DERA: variants seen among roughly 807,000 people sequenced by gnomAD.
DERA encodes 2-deoxy-D-ribose 5-phosphate aldolase.
DERA carries 15 observed loss-of-function variants against 41.1 expected under a neutral mutation model. The ratio of observed to expected loss-of-function variants is 0.37; its 90% CI spans 0.24 to 0.56. The LOEUF is 0.56. Ranked by LOEUF, DERA falls within the 20% of genes least tolerant of loss-of-function variation. The pLI, the probability that DERA is intolerant of heterozygous loss-of-function variation, is 0.81. For missense variants in DERA, 396 were observed against 403.4 expected, an observed-to-expected ratio of 0.98 and a Z score of 0.16; for synonymous variants, 139 against 137.4, an observed-to-expected ratio of 1.01 and a Z score of -0.08.
chr12:15,946,219 G>A (rs1475312071), intron 1 of DERA, among the ~76,000 whole-genome samples: 1 of 152,170 alleles, frequency 6.6e-6, no homozygotes, highest in Non-Finnish European at 1.5e-5. Context: ...CTAGGCTTTG[G>A]TATCAGGATG....
intron 6 of DERA, among the ~76,000 whole-genome samples, chr12:16,007,185 T>G (rs564423377): frequency 5.0e-4 from 75 of 148,592 alleles, no homozygotes; most frequent in African/African-American, 1.9e-3. Flanking sequence ...GTTTTTTTTT[T>G]TTTGTTTTTT....
At position 15,998,422 on chromosome 12, in the gene DERA, G is replaced by A. The variant is rs11838286; in HGVS notation, c.637+15986G>A. Reference sequence around the variant, plus strand: ...AACCTCCGCCTTCCGGGTTCAAGCAGTTCTCCCGCCTCAGCCTCCCGAGTA... The same window carrying A: ...AACCTCCGCCTTCCGGGTTCAAGCAATTCTCCCGCCTCAGCCTCCCGAGTA... On this transcript the variant is annotated intron_variant, in intron 6 of 8. Transcript: ENST00000428559. This position sits in a 1 kb window ranked among gnomAD's most constrained non-coding sequence, Gnocchi z 4.8. 0.065 allele frequency among the ~76,000 whole-genome samples: 9,885 copies of A among 152,012 alleles called. 1,031 individuals carry two copies. The highest frequency in any genetic ancestry group is 0.22 in the African/African-American group (9,101 of 41,366).
Position 15,935,735 on chromosome 12 carries a change from G to T in DERA, c.32-21201G>T, listed in dbSNP as rs893414113. On this transcript the variant is annotated intron_variant, in intron 1 of 8. Transcript: ENST00000428559. The surrounding 1 kb of genome is among the most constrained non-coding windows in gnomAD (Gnocchi z 4.8). ...TCATATTGGTTTCTATATGTTGTTT[G>T]TTGTTGTGTAATATATTACTCCAAA... is the stretch of plus-strand genomic sequence containing the variant. Among the ~76,000 whole-genome samples the T allele has an allele frequency of 2.0e-5, 3 of 152,110 alleles. No individual in the cohort carries two copies. Among genetic ancestry groups the T allele is most frequent in the Admixed American group, 6.6e-5 (1 of 15,266 alleles).
chr12:16,036,289 T>C lies in DERA; in HGVS notation c.808T>C (p.Ser270Pro). 6.2e-7 allele frequency: 1 copy of C among 1,613,768 alleles called. No individual in the cohort carries two copies. Among genetic ancestry groups the C allele is most frequent in the Non-Finnish European group, 8.5e-7 (1 of 1,179,778 alleles). Residue 270 changes from serine to proline, a missense_variant, in exon 8 of 9, where the codon TCT (serine) becomes CCT (proline). Ser to Pro is a moderately conservative substitution (Grantham distance 74, BLOSUM62 -1). Transcript: ENST00000428559. The surrounding 1 kb of genome is among the most constrained non-coding windows in gnomAD (Gnocchi z 4.9). ...TGCAAAGGATTCCCTTGCTTGGCTC[T>C]CTCTTGTAAAGGAGGAGCTTGGAGA... Reference protein sequence around the residue: ...RSAKDSLAWLSLVKEELGDEW... With the variant: ...RSAKDSLAWLPLVKEELGDEW...
rs1454779653 is a variant in DERA at position 15,976,157 on chromosome 12, TC to T, written c.509-6147del. Among the ~76,000 whole-genome samples the T allele has an allele frequency of 6.6e-6, 1 of 152,226 alleles. No individual in the cohort carries two copies. The highest frequency in any genetic ancestry group is 1.5e-5 in the Non-Finnish European group (1 of 68,048). ...AGCATTGCATGGTTTATTCTTACTT[TC>T]CCCTTCCATATTTATACCCCTTCTT... On this transcript the variant is annotated intron_variant, in intron 5 of 8. Transcript: ENST00000428559. The surrounding 1 kb of genome is among the most constrained non-coding windows in gnomAD (Gnocchi z 4.1).
At position 15,943,192 on chromosome 12, in the gene DERA, G is replaced by A. The variant is rs1565590458; in HGVS notation, c.32-13744G>A. The stretch of plus-strand genomic sequence containing the variant: ...CTTTGTGAATCTTACAGATGCTTCT[G>A]AATCTTTGACTTTTCACTCTCCAGG... On this transcript the variant is annotated intron_variant, in intron 1 of 8. Transcript: ENST00000428559. The surrounding 1 kb of genome is among the most constrained non-coding windows in gnomAD (Gnocchi z 4.5). Among the ~76,000 whole-genome samples the A allele has an allele frequency of 6.6e-6, 1 of 152,186 alleles. No individual in the cohort carries two copies. Among genetic ancestry groups the A allele is most frequent in the African/African-American group, 2.4e-5 (1 of 41,454 alleles).
chr12:15,912,120 A>T (rs940239838), intron 1 of DERA, among the ~76,000 whole-genome samples: 1 of 151,882 alleles, frequency 6.6e-6, no homozygotes, highest in African/African-American at 2.4e-5. Flanking sequence ...GCTGATAAAC[A>T]AGTGAACAAA....
rs1161477318 is a variant in DERA, at chr12:16,013,005, G to T, written c.638-19537G>T. Among the ~76,000 whole-genome samples the T allele has an allele frequency of 6.6e-6, 1 of 152,060 alleles. No individual in the cohort carries two copies. Among genetic ancestry groups the T allele is most frequent in the Non-Finnish European group, 1.5e-5 (1 of 68,018 alleles). On this transcript the variant is annotated intron_variant, in intron 6 of 8. Coordinates refer to ENST00000428559, the MANE Select transcript of DERA (RefSeq NM_015954.4). The surrounding 1 kb of genome is among the most constrained non-coding windows in gnomAD (Gnocchi z 5.8). ...TTCAAGTGCTCAGTAGCTACATATGGTGTGTAACTATCATATTGGACTATG... is the reference window on the plus strand; with the variant it reads ...TTCAAGTGCTCAGTAGCTACATATGTTGTGTAACTATCATATTGGACTATG...
At position 15,922,466 on chromosome 12, in the gene DERA, A is replaced by G. The variant is rs1253884902; in HGVS notation, c.31+11052A>G. Reference sequence around the variant, plus strand: ...AATGCTATATTTGACTGAGTGTTGCATTAAACTACTAATATAGAGAAATTT... The same window carrying G: ...AATGCTATATTTGACTGAGTGTTGCGTTAAACTACTAATATAGAGAAATTT... On this transcript the variant is annotated intron_variant, in intron 1 of 8. Coordinates refer to ENST00000428559, the MANE Select transcript of DERA (RefSeq NM_015954.4). This position sits in a 1 kb window ranked among gnomAD's most constrained non-coding sequence, Gnocchi z 4.9. Among the ~76,000 whole-genome samples, 2 of 152,228 alleles carry G rather than the reference A, an allele frequency of 1.3e-5. No homozygotes were observed. The highest frequency in any genetic ancestry group is 4.8e-5 in the African/African-American group (2 of 41,470).
intron 6 of DERA, among the ~76,000 whole-genome samples, chr12:16,025,063 C>T (rs1383459254): frequency 6.6e-6 from 1 of 151,316 alleles, no homozygotes; most frequent in African/African-American, 2.4e-5. Context: ...AAAATATGTA[C>T]AAAAGTATGA....
At chr12:15,986,416 A>G (rs1383000670) in intron 6 of DERA, among the ~76,000 whole-genome samples, 5 of 151,936 alleles carry the variant, frequency 3.3e-5, no homozygotes, top group Admixed American at 3.3e-4. Context: ...TTTTCTTGCA[A>G]CCTTTTGGGT....
At chr12:15,929,909 A>G (rs908079591) in intron 1 of DERA, among the ~76,000 whole-genome samples, 2 of 152,216 alleles carry the variant, frequency 1.3e-5, no homozygotes, top group African/African-American at 4.8e-5. Context: ...GGATGTTAGT[A>G]TTTAATTACC....
At position 16,026,264 on chromosome 12, in the gene DERA, C is replaced by T. The variant is rs1396618752; in HGVS notation, c.638-6278C>T. On this transcript the variant is annotated intron_variant, in intron 6 of 8. Transcript: ENST00000428559. The surrounding 1 kb of genome is among the most constrained non-coding windows in gnomAD (Gnocchi z 4.4). Reference sequence around the variant, plus strand: ...TCCTAAAAGCTACTTTTTTTTTTCTCCCCCCGTAAGATTGGTAAACAGCTA... The same window carrying T: ...TCCTAAAAGCTACTTTTTTTTTTCTTCCCCCGTAAGATTGGTAAACAGCTA... 1.5e-4 allele frequency among the ~76,000 whole-genome samples: 23 copies of T among 149,430 alleles called. No individual in the cohort carries two copies. The highest frequency in any genetic ancestry group is 5.6e-4 in the African/African-American group (23 of 40,712).
rs1948888183 is a variant in DERA at position 16,003,270 on chromosome 12, C to T, written c.637+20834C>T. 6.6e-6 allele frequency among the ~76,000 whole-genome samples: 1 copy of T among 152,086 alleles called. No homozygotes were observed. The highest frequency in any genetic ancestry group is 1.5e-5 in the Non-Finnish European group (1 of 68,028). On this transcript the variant is annotated intron_variant, in intron 6 of 8. Transcript: ENST00000428559. The surrounding 1 kb of genome is among the most constrained non-coding windows in gnomAD (Gnocchi z 4.8). ...ACCTGGTGTTCTTTTTATAAGGACA[C>T]TAATCATATTGCAGTAGGAGCCTAC...
Position 15,957,015 on chromosome 12 carries a change from C to G in DERA, c.111C>G (p.Thr37=). The change falls in exon 2 of 9, where the codon ACC becomes ACG. Residue 37 remains threonine, a synonymous_variant. Transcript: ENST00000428559. The surrounding 1 kb of genome is among the most constrained non-coding windows in gnomAD (Gnocchi z 4.8). ...RRAEQIQARR[T]VKKEWQAAWL... Reference sequence around the variant, plus strand: ...CGGAACAAATCCAGGCTCGCAGAACCGTGAAAAAGGAGTGGCAGGTAAGGG... The same window carrying G: ...CGGAACAAATCCAGGCTCGCAGAACGGTGAAAAAGGAGTGGCAGGTAAGGG... The G allele has an allele frequency of 1.2e-6, 2 of 1,613,728 alleles. No homozygotes were observed. Among genetic ancestry groups the G allele is most frequent in the East Asian group, 2.2e-5 (1 of 44,866 alleles).
In DERA at chr12:15,966,892, C is replaced by T. The variant is rs1948626982; in HGVS notation, c.508+3945C>T. Reference sequence around the variant, plus strand: ...ATTCCTTATGGCAAAGACAACCAAACCTCCTGAGCACCAGGACCACCTGGA... The same window carrying T: ...ATTCCTTATGGCAAAGACAACCAAATCTCCTGAGCACCAGGACCACCTGGA... On this transcript the variant is annotated intron_variant, in intron 5 of 8. Coordinates refer to ENST00000428559, the MANE Select transcript of DERA (RefSeq NM_015954.4). The surrounding 1 kb of genome is among the most constrained non-coding windows in gnomAD (Gnocchi z 5.1). Among the ~76,000 whole-genome samples, 1 of 152,132 alleles carries T rather than the reference C, an allele frequency of 6.6e-6. No homozygotes were observed. The highest frequency in any genetic ancestry group is 2.4e-5 in the African/African-American group (1 of 41,430).
chr12:15,948,169 CAGTT>C (rs1431724562), intron 1 of DERA, among the ~76,000 whole-genome samples: 2 of 152,154 alleles, frequency 1.3e-5, no homozygotes, highest in African/African-American at 2.4e-5. Context: ...GTGAATCTGA[CAGTT>C]AGGTGTCTTG....
chr12:16,013,780 T>TTA lies in DERA; in HGVS notation c.638-18762_638-18761insTA, dbSNP rs745814968. Among the ~76,000 whole-genome samples the TTA allele has an allele frequency of 6.6e-6, 1 of 152,156 alleles. No individual in the cohort carries two copies. Among genetic ancestry groups the TTA allele is most frequent in the African/African-American group, 2.4e-5 (1 of 41,446 alleles). ...GGAAGATGTGGGAAAATTTGGAACT[T>TTA]CCTAGAGACTTGTTGAATGGTTTTG... is the stretch of plus-strand genomic sequence containing the variant. On this transcript the variant is annotated intron_variant, in intron 6 of 8. Transcript: ENST00000428559. The surrounding 1 kb of genome is among the most constrained non-coding windows in gnomAD (Gnocchi z 5.8).
intron 1 of DERA, among the ~76,000 whole-genome samples, chr12:15,946,139 A>T (rs919872739): frequency 3.3e-5 from 5 of 152,142 alleles, no homozygotes; most frequent in Non-Finnish European, 7.4e-5. Flanking sequence ...CCAGTATTTT[A>T]TTGAGGATTT....
Sources: gnomAD v4.1 joint callset for allele counts (sites outside exome capture counted in the v4.1 genomes callset) on GRCh38, gnomAD v4.1.1 for gene constraint, Gnocchi (gnomAD v3.1) non-coding constraint, MANE v1.5 for transcripts, NCBI Gene and HGNC (gene_info 2026-07-23, HGNC 2026-07-21) for gene names.